Variants in MYZAP observed in about 807,000 individuals in gnomAD.
MYZAP encodes the protein myocardial zonula adherens protein.
MYZAP carries 66 observed loss-of-function variants against 69.4 expected under a neutral mutation model. That is an observed-to-expected ratio of 0.95 (90% confidence interval 0.78 to 1.17). MYZAP has a LOEUF of 1.17. Ranked by LOEUF, MYZAP falls within the 50% of genes most tolerant of loss-of-function variation. The pLI is 0.00. For synonymous variants in MYZAP, 256 were observed against 205.9 expected (o/e 1.24, Z -2.09); for missense variants, 611 against 556.2 (o/e 1.10, Z -0.99).
intron 7 of MYZAP, among the ~76,000 whole-genome samples, chr15:57,632,818 TGCC>T (rs1230294348): frequency 7.2e-5 from 11 of 152,232 alleles, no homozygotes; most frequent in African/African-American, 2.7e-4. Flanking sequence ...TCTGACAATT[TGCC>T]AGCATCTAAG....
At chr15:57,640,628 T>C (rs1482445401) in intron 10 of MYZAP, among the ~76,000 whole-genome samples, 2 of 152,180 alleles carry the variant, frequency 1.3e-5, no homozygotes, top group Non-Finnish European at 1.5e-5. Flanking sequence ...CTCTAAGATA[T>C]TGGGGATATT....
intron 3 of MYZAP, among the ~76,000 whole-genome samples, chr15:57,620,757 G>A (rs115036131): frequency 1.6e-3 from 249 of 152,190 alleles, no homozygotes; most frequent in African/African-American, 5.9e-3. Flanking sequence ...AGTCAGGGCC[G>A]ATAGAGGGAA....
chr15:57,632,376 G>A (rs1458683479), intron 6 of MYZAP, 58 bp from the exon 7 acceptor site: 2 of 1,608,930 alleles, frequency 1.2e-6, no homozygotes, highest in Admixed American at 1.7e-5. Flanking sequence ...TGCAGTGGAA[G>A]CTGCCAATTC....
chr15:57,641,750 C>T (rs1332057317), intron 10 of MYZAP, among the ~76,000 whole-genome samples: 4 of 151,992 alleles, frequency 2.6e-5, no homozygotes, highest in Admixed American at 2.6e-4. Context: ...CATTAACTTA[C>T]ATAAGAAAAA....
intron 10 of MYZAP, among the ~76,000 whole-genome samples, chr15:57,641,163 G>C (rs1436322257): frequency 6.6e-6 from 1 of 152,128 alleles, no homozygotes; most frequent in Non-Finnish European, 1.5e-5. Flanking sequence ...AATCGTTAGA[G>C]AACTATTGAA....
intron 11 of MYZAP, among the ~76,000 whole-genome samples, chr15:57,668,381 G>A (rs2038696511): frequency 1.3e-5 from 2 of 152,252 alleles, no homozygotes; most frequent in Admixed American, 1.3e-4. Flanking sequence ...AGGGGTTGTA[G>A]TATTTTAATT....
chr15:57,654,575 T>C (rs1188981591), intron 10 of MYZAP, among the ~76,000 whole-genome samples: 1 of 152,364 alleles, frequency 6.6e-6, no homozygotes, highest in Non-Finnish European at 1.5e-5. Flanking sequence ...ACTTATTTGC[T>C]GCTGTGTTTT....
chr15:57,610,080 G>A (rs568945388), intron 2 of MYZAP, among the ~76,000 whole-genome samples: 1 of 152,266 alleles, frequency 6.6e-6, no homozygotes, highest in South Asian at 2.1e-4. Context: ...AAAGTCCTTT[G>A]CAAATAGATA....
At chr15:57,678,081 G>A (rs145766488) in intron 12 of MYZAP, among the ~76,000 whole-genome samples, 1,701 of 148,188 alleles carry the variant, frequency 0.011, 31 homozygotes, top group African/African-American at 0.042. Flanking sequence ...ATAAAAAATA[G>A]GCCAGGCATG....
At chr15:57,652,065 T>C (rs1033300809) in intron 10 of MYZAP, among the ~76,000 whole-genome samples, 2 of 152,212 alleles carry the variant, frequency 1.3e-5, no homozygotes, top group Non-Finnish European at 2.9e-5. Flanking sequence ...ATATGTGCCA[T>C]GTTCATATCT....
chr15:57,632,709 C>T (rs1595890185), intron 7 of MYZAP, 150 bp downstream of exon 7: 1 of 1,299,188 alleles, frequency 7.7e-7, no homozygotes, highest in East Asian at 2.4e-5. Flanking sequence ...TCTGCTCATT[C>T]ACTCCCCTCC....
At chr15:57,643,257 G>A (rs1304885716) in intron 10 of MYZAP, among the ~76,000 whole-genome samples, 2 of 152,202 alleles carry the variant, frequency 1.3e-5, no homozygotes, top group Non-Finnish European at 2.9e-5. Flanking sequence ...CTCCGTGCTG[G>A]GGCTGGGTAC....
intron 2 of MYZAP, among the ~76,000 whole-genome samples, chr15:57,609,344 C>G (rs533036663): frequency 6.6e-6 from 1 of 152,318 alleles, no homozygotes; most frequent in African/African-American, 2.4e-5. Flanking sequence ...TGTCTGGGAT[C>G]AAGGTGCTGG....
At chr15:57,683,746 T>C in intron 12 of MYZAP, among the ~76,000 whole-genome samples, 1 of 152,078 alleles carries the variant, frequency 6.6e-6, no homozygotes. Context: ...TAGTGTCTTC[T>C]TGCTATGTCC....
intron 8 of MYZAP, among the ~76,000 whole-genome samples, chr15:57,634,291 A>T (rs1172375161): frequency 6.6e-6 from 1 of 152,062 alleles, no homozygotes; most frequent in East Asian, 1.9e-4. Flanking sequence ...GAGGAAGGGG[A>T]GGAAGTGGTG....
chr15:57,678,991 A>G (rs1040209082), intron 12 of MYZAP, among the ~76,000 whole-genome samples: 18 of 152,104 alleles, frequency 1.2e-4, no homozygotes, highest in African/African-American at 4.1e-4. Flanking sequence ...AGCCTGACCA[A>G]CATGGAGAAA....
rs187230760 is a variant in MYZAP, at chr15:57,630,121, A to C, written c.678+267A>C. Among the ~76,000 whole-genome samples the C allele has an allele frequency of 8.0e-3, 1,216 of 152,136 alleles. 11 individuals are homozygous for C. The highest frequency in any genetic ancestry group is 0.045 in the South Asian group (217 of 4,808). ...GTAGCTGGAATTACAGGCACGTGCC[A>C]CCTTGCCCAGTAATTTTTGTATTTT... On this transcript the variant is annotated intron_variant, in intron 6 of 12. Coordinates refer to ENST00000267853, the MANE Select transcript of MYZAP (RefSeq NM_001018100.5).
chr15:57,592,142 C>A (rs1015585138), intron 1 of MYZAP, 33 bp downstream of exon 1: 9 of 1,285,300 alleles, frequency 7.0e-6, no homozygotes, highest in South Asian at 2.4e-5. Flanking sequence ...GCCGCCGTCC[C>A]GTTCCCCCAT....
chr15:57,601,444 A>G (rs1451082458), intron 1 of MYZAP, among the ~76,000 whole-genome samples: 2 of 151,794 alleles, frequency 1.3e-5, no homozygotes, highest in East Asian at 1.9e-4. Flanking sequence ...CAAATGTCAG[A>G]CTGGTTTCAA....
Sources: allele counts gnomAD v4.1 joint callset (sites outside exome capture counted in the v4.1 genomes callset), GRCh38; gene constraint gnomAD v4.1.1; transcripts MANE v1.5; gene names NCBI Gene and HGNC (gene_info 2026-07-23, HGNC 2026-07-21).